The following EEFSEC variants were observed in gnomAD, a reference collection of about 807,000 sequenced individuals.
The protein encoded by EEFSEC is selenocysteine-specific elongation factor.
EEFSEC carries 43 observed loss-of-function variants against 42.1 expected under a neutral mutation model. The ratio of observed to expected loss-of-function variants is 1.02; its 90% confidence interval spans 0.80 to 1.32. EEFSEC has a LOEUF of 1.32. Among genes scored for constraint, EEFSEC ranks in the 40% most tolerant of loss-of-function variants. The pLI is 0.00. For synonymous variants in EEFSEC, 354 were observed against 339.1 expected (o/e 1.04, Z -0.48); for missense variants, 745 against 803.6 (o/e 0.93, Z 0.88).
chr3:128,366,082 C>T (rs2067586808), intron 6 of EEFSEC, among the ~76,000 whole-genome samples: 1 of 152,228 alleles, frequency 6.6e-6, no homozygotes, highest in African/African-American at 2.4e-5. Context: ...GTCCCAGAAG[C>T]TCTATTTGCT....
intron 6 of EEFSEC, among the ~76,000 whole-genome samples, chr3:128,366,920 G>A (rs920908374): frequency 3.9e-5 from 6 of 152,108 alleles, no homozygotes; most frequent in African/African-American, 1.4e-4. Flanking sequence ...CCACAGACGC[G>A]GTGGCTTAAA....
chr3:128,394,432 C>G (rs1057513665), intron 6 of EEFSEC, among the ~76,000 whole-genome samples: 1 of 152,038 alleles, frequency 6.6e-6, no homozygotes, highest in Non-Finnish European at 1.5e-5. Context: ...CTTCATTATT[C>G]TAGACGGTTT....
chr3:128,329,842 G>A (rs2067107047), intron 4 of EEFSEC, among the ~76,000 whole-genome samples: 1 of 152,248 alleles, frequency 6.6e-6, no homozygotes, highest in Non-Finnish European at 1.5e-5. Flanking sequence ...TGAAGGACAG[G>A]GTAGCCTTGG....
chr3:128,180,340 G>A (rs377226977), intron 1 of EEFSEC, among the ~76,000 whole-genome samples: 22 of 152,140 alleles, frequency 1.4e-4, no homozygotes, highest in African/African-American at 5.1e-4. Context: ...CTGGCCAGGG[G>A]AACAGCTATT....
chr3:128,413,437 T>C (rs1198866239), downstream of EEFSEC, among the ~76,000 whole-genome samples: 2 of 152,060 alleles, frequency 1.3e-5, no homozygotes, highest in African/African-American at 4.8e-5. Context: ...AGGGACAGCA[T>C]GGACCCTAGA....
intron 1 of EEFSEC, among the ~76,000 whole-genome samples, chr3:128,162,258 C>G (rs2065196725): frequency 6.6e-6 from 1 of 152,182 alleles, no homozygotes; most frequent in Admixed American, 6.5e-5. Context: ...CTAGAAGATT[C>G]TACTCTCCAG....
chr3:128,359,904 T>C (rs1036116131), intron 6 of EEFSEC, among the ~76,000 whole-genome samples: 7 of 152,192 alleles, frequency 4.6e-5, no homozygotes, highest in African/African-American at 1.4e-4. Flanking sequence ...ACAGGTGGCA[T>C]GAGCACCCTT....
intron 1 of EEFSEC, among the ~76,000 whole-genome samples, chr3:128,186,830 C>T (rs2065470511): frequency 6.6e-6 from 1 of 152,002 alleles, no homozygotes; most frequent in African/African-American, 2.4e-5. Context: ...GAAACATTTT[C>T]CCCCAGCGGC....
intron 4 of EEFSEC, among the ~76,000 whole-genome samples, chr3:128,334,062 T>C (rs1017745304): frequency 3.3e-5 from 5 of 152,156 alleles, no homozygotes; most frequent in Non-Finnish European, 7.3e-5. Flanking sequence ...CATGGGCAAG[T>C]CCAGCAGGGA....
At chr3:128,398,421 C>T (rs2068009151) in intron 6 of EEFSEC, among the ~76,000 whole-genome samples, 1 of 152,308 alleles carries the variant, frequency 6.6e-6, no homozygotes, top group South Asian at 2.1e-4. Context: ...GGGGCAGCTT[C>T]TGAGGGACTC....
chr3:128,350,059 G>T (rs925338082), intron 5 of EEFSEC, among the ~76,000 whole-genome samples: 1 of 152,226 alleles, frequency 6.6e-6, no homozygotes, highest in Non-Finnish European at 1.5e-5. Context: ...AAGGCCTTAG[G>T]GCTGGGCCAC....
intron 1 of EEFSEC, among the ~76,000 whole-genome samples, chr3:128,171,161 A>G (rs551473614): frequency 4.6e-5 from 7 of 152,338 alleles, no homozygotes; most frequent in Admixed American, 1.3e-4. Context: ...GGGATGATCA[A>G]TGTGTAGTTT....
rs141768967 is a variant in EEFSEC at position 128,355,004 on chromosome 3, G to A, written c.1444-3213G>A. ...GGAAACTAGCCCGGGCTGGGCTGTT[G>A]GCTCACTCTCAGATGAATCGTGTCT... On this transcript the variant is annotated intron_variant, in intron 5 of 6. Coordinates refer to ENST00000254730, the MANE Select transcript of EEFSEC (RefSeq NM_021937.5). Among the ~76,000 whole-genome samples the A allele has an allele frequency of 3.4e-3, 513 of 152,308 alleles. 1 individual carries two copies. The highest frequency in any genetic ancestry group is 0.011 in the African/African-American group (474 of 41,572).
intron 6 of EEFSEC, among the ~76,000 whole-genome samples, chr3:128,393,675 C>T (rs1479853108): frequency 1.3e-5 from 2 of 152,256 alleles, no homozygotes; most frequent in Non-Finnish European, 2.9e-5. Flanking sequence ...AGAAAAGACG[C>T]ACAGTGCCAC....
At chr3:128,245,445 G>T (rs1440353754) in intron 1 of EEFSEC, among the ~76,000 whole-genome samples, 1 of 152,242 alleles carries the variant, frequency 6.6e-6, no homozygotes, top group Non-Finnish European at 1.5e-5. Context: ...TGCTGCTGCT[G>T]CTGCGTGCAC....
At chr3:128,293,591 G>T (rs895417290) in intron 4 of EEFSEC, among the ~76,000 whole-genome samples, 32 of 148,058 alleles carry the variant, frequency 2.2e-4, no homozygotes, top group Middle Eastern at 3.3e-3. Context: ...AACCCAGGAG[G>T]CGGAGGATGC....
chr3:128,242,069 G>A (rs1331307848), intron 1 of EEFSEC, among the ~76,000 whole-genome samples: 1 of 152,196 alleles, frequency 6.6e-6, no homozygotes, highest in Non-Finnish European at 1.5e-5. Context: ...AATCCTAGTA[G>A]CACTTTGGGA....
chr3:128,171,207 T>C (rs1040272003), intron 1 of EEFSEC, among the ~76,000 whole-genome samples: 7 of 152,248 alleles, frequency 4.6e-5, no homozygotes, highest in Non-Finnish European at 1.0e-4. Flanking sequence ...CTCTGACTTT[T>C]TCAAGACAAA....
intron 4 of EEFSEC, among the ~76,000 whole-genome samples, chr3:128,269,165 G>A (rs1457963000): frequency 6.6e-6 from 1 of 152,220 alleles, no homozygotes; most frequent in African/African-American, 2.4e-5. Flanking sequence ...GGAAACTTAA[G>A]CAACTGGACA....
Sources: allele counts gnomAD v4.1 joint callset (sites outside exome capture counted in the v4.1 genomes callset), GRCh38; gene constraint gnomAD v4.1.1; transcripts MANE v1.5; gene names NCBI Gene and HGNC (gene_info 2026-07-23, HGNC 2026-07-21).